The following KIF20B variants were observed in gnomAD, a reference collection of about 807,000 sequenced individuals.
The protein encoded by KIF20B is kinesin-like protein KIF20B.
KIF20B carries 188 observed loss-of-function variants against 232.5 expected under a neutral mutation model. That is an observed-to-expected ratio of 0.81 (90% CI 0.72 to 0.91). The LOEUF (loss-of-function observed/expected upper bound fraction) is 0.91. KIF20B is among the 40% of genes least tolerant of loss of function. The pLI, the probability that KIF20B is intolerant of heterozygous loss-of-function variation, is 0.00. For synonymous variants in KIF20B, 712 were observed against 683.0 expected, an observed-to-expected ratio of 1.04 and a Z score of -0.66; for missense variants, 2,154 against 2,055.9, an observed-to-expected ratio of 1.05 and a Z score of -0.92.
At chr10:89,703,684 C>T (rs1746386135) in intron 1 of KIF20B, among the ~76,000 whole-genome samples, 1 of 151,648 alleles carries the variant, frequency 6.6e-6, no homozygotes, top group African/African-American at 2.4e-5. Context: ...TAAAAATATG[C>T]TTATTTTGGG....
chr10:89,763,379 C>G (rs1842285767), intron 29 of KIF20B, among the ~76,000 whole-genome samples: 1 of 152,186 alleles, frequency 6.6e-6, no homozygotes, highest in South Asian at 2.1e-4. Flanking sequence ...TATAATACAT[C>G]AAATGATGGT....
intron 1 of KIF20B, among the ~76,000 whole-genome samples, chr10:89,704,649 C>T (rs545957045): frequency 3.9e-5 from 6 of 152,132 alleles, no homozygotes; most frequent in Admixed American, 2.6e-4. Flanking sequence ...CTCTGCCTCC[C>T]GGGTTCAAGC....
chr10:89,768,424 A>G (rs201904196), intron 30 of KIF20B, 33 bp downstream of exon 30: 1,830 of 1,249,326 alleles, frequency 1.5e-3, no homozygotes, highest in Non-Finnish European at 1.8e-3. Context: ...AATTGTAGCA[A>G]TTATCCAGAA....
At chr10:89,752,067 T>C (rs1369806065) in intron 24 of KIF20B, among the ~76,000 whole-genome samples, 1 of 152,104 alleles carries the variant, frequency 6.6e-6, no homozygotes, top group African/African-American at 2.4e-5. Flanking sequence ...TGCACATTAT[T>C]CTTTTTTTAA....
intron 28 of KIF20B, among the ~76,000 whole-genome samples, 199 bp downstream of exon 28, chr10:89,760,835 T>C (rs972842228): frequency 6.6e-6 from 1 of 152,192 alleles, no homozygotes; most frequent in African/African-American, 2.4e-5. Flanking sequence ...GTTAATCTCA[T>C]CTTAAAAGCA....
chr10:89,751,450 G>C lies in KIF20B; in HGVS notation c.4201G>C (p.Glu1401Gln). Residue 1401 changes from glutamate to glutamine, a missense_variant, in exon 24 of 33, where the codon GAA (glutamate) becomes CAA (glutamine). Transcript: ENST00000371728. ...QDQVLEAKLEEVERLATELEK... is the reference protein window; with the variant it reads ...QDQVLEAKLEQVERLATELEK... ...TCAAGTGCTTGAGGCTAAATTAGAG[G>C]AAGTTGAAAGGCTGGCCACAGGTAA... 6.2e-7 allele frequency: 1 copy of C among 1,606,088 alleles called. No individual in the cohort carries two copies. The highest frequency in any genetic ancestry group is 8.5e-7 in the Non-Finnish European group (1 of 1,176,824).
chr10:89,709,000 AT>A (rs1358904297), intron 2 of KIF20B, among the ~76,000 whole-genome samples, 166 bp from the exon 3 acceptor site: 1 of 152,156 alleles, frequency 6.6e-6, no homozygotes, highest in Non-Finnish European at 1.5e-5. Flanking sequence ...TTTTATTTAA[AT>A]AGATTTATTG....
chr10:89,728,370 T>TTTAGACTG (rs1444105119), intron 17 of KIF20B, among the ~76,000 whole-genome samples: 12 of 152,198 alleles, frequency 7.9e-5, no homozygotes, highest in Admixed American at 5.9e-4. Flanking sequence ...TTGGAAGCTC[T>TTTAGACTG]TTAGACTGTT....
intron 29 of KIF20B, among the ~76,000 whole-genome samples, chr10:89,767,457 CT>C (rs1320312980): frequency 6.6e-6 from 1 of 151,782 alleles, no homozygotes; most frequent in Non-Finnish European, 1.5e-5. Context: ...TACCATCTGT[CT>C]TTTCCCTGTC....
At chr10:89,726,112 C>T (rs1320546714) in intron 15 of KIF20B, among the ~76,000 whole-genome samples, 181 bp from the exon 16 acceptor site, 1 of 152,096 alleles carries the variant, frequency 6.6e-6, no homozygotes, top group African/African-American at 2.4e-5. Flanking sequence ...GTCCATACAG[C>T]AGAAAATAAA....
chr10:89,717,797 A>T, intron 11 of KIF20B, 75 bp downstream of exon 11: 1 of 1,060,706 alleles, frequency 9.4e-7, no homozygotes, highest in Admixed American at 2.6e-5. Context: ...TGTTTTTAGA[A>T]AGTTCTTTTT....
chr10:89,764,425 C>A (rs1254900111), intron 29 of KIF20B, among the ~76,000 whole-genome samples: 1 of 152,146 alleles, frequency 6.6e-6, no homozygotes, highest in African/African-American at 2.4e-5. Context: ...AATGGGATAG[C>A]TGAGTCAAAT....
intron 31 of KIF20B, 70 bp from the exon 32 acceptor site, chr10:89,772,619 T>C (rs1842486942): frequency 1.1e-6 from 1 of 950,526 alleles, no homozygotes; most frequent in African/African-American, 1.7e-5. Flanking sequence ...ACCATCTTTA[T>C]TAAGGATTTC....
chr10:89,741,596 A>C (rs765322360), intron 21 of KIF20B, among the ~76,000 whole-genome samples: 5 of 152,238 alleles, frequency 3.3e-5, no homozygotes, highest in Non-Finnish European at 7.3e-5. Flanking sequence ...GGGTATAGAC[A>C]CTGTTTTTAA....
At chr10:89,735,724 G>C (rs1841637469) in intron 19 of KIF20B, among the ~76,000 whole-genome samples, 1 of 151,818 alleles carries the variant, frequency 6.6e-6, no homozygotes, top group Non-Finnish European at 1.5e-5. Context: ...GTTTTTAGTA[G>C]AGACAGGGTT....
At chr10:89,737,269 T>TG in intron 19 of KIF20B, 118 bp from the exon 20 acceptor site, 1 of 1,092,948 alleles carries the variant, frequency 9.1e-7, no homozygotes, top group Non-Finnish European at 1.2e-6. Context: ...TTTCATTTTT[T>TG]TTTTTTAATT....
chr10:89,714,924 T>G, intron 7 of KIF20B, 31 bp from the exon 8 acceptor site: 1 of 1,329,532 alleles, frequency 7.5e-7, no homozygotes, highest in Non-Finnish European at 1.0e-6. Context: ...CTTACTTTCG[T>G]GATTGTTTTT....
intron 14 of KIF20B, among the ~76,000 whole-genome samples, 155 bp downstream of exon 14, chr10:89,724,258 G>A (rs1564661978): frequency 1.3e-5 from 2 of 151,946 alleles, no homozygotes; most frequent in Non-Finnish European, 2.9e-5. Context: ...CTGGTGCGGT[G>A]GCTCACGCCT....
At chr10:89,717,539 GA>G in intron 10 of KIF20B, 36 bp from the exon 11 acceptor site, 1 of 1,589,642 alleles carries the variant, frequency 6.3e-7, no homozygotes, top group Non-Finnish European at 8.6e-7. Flanking sequence ...TAATTGTTTT[GA>G]AGAACTTTTA....
Sources: allele counts gnomAD v4.1 joint callset (sites outside exome capture counted in the v4.1 genomes callset), GRCh38; gene constraint gnomAD v4.1.1; transcripts MANE v1.5; gene names NCBI Gene and HGNC (gene_info 2026-07-23, HGNC 2026-07-21).